Variants in TTLL5 observed in about 807,000 individuals in gnomAD.
The protein encoded by TTLL5 is tubulin tyrosine ligase like 5, also known as tubulin polyglutamylase TTLL5.
A neutral mutation model predicts 168.4 loss-of-function variants in TTLL5; 132 were observed. The ratio of observed to expected loss-of-function variants is 0.78; its 90% CI spans 0.68 to 0.91. The LOEUF (loss-of-function observed/expected upper bound fraction) is 0.91, where lower values mean the gene tolerates loss of function less well. Ranked by LOEUF, TTLL5 falls within the 40% of genes least tolerant of loss-of-function variation. TTLL5 has a pLI of 0.00. For missense variants in TTLL5, 1,545 were observed against 1,581.5 expected, an observed-to-expected ratio of 0.98 and a Z score of 0.39; for synonymous variants, 546 against 558.6, an observed-to-expected ratio of 0.98 and a Z score of 0.32.
chr14:75,739,831 A>C (rs1340452072), intron 15 of TTLL5, among the ~76,000 whole-genome samples: 1 of 152,220 alleles, frequency 6.6e-6, no homozygotes, highest in African/African-American at 2.4e-5. Flanking sequence ...GTTTACACTA[A>C]GAAGATTTAC....
intron 30 of TTLL5, chr14:75,886,921 T>C (rs900308594): frequency 4.7e-5 from 68 of 1,436,402 alleles, no homozygotes; most frequent in Non-Finnish European, 4.9e-5. Context: ...ACTGAATGAA[T>C]TTGAAAGGGT....
intron 9 of TTLL5, among the ~76,000 whole-genome samples, chr14:75,715,385 G>A (rs1356009560): frequency 6.7e-6 from 1 of 149,358 alleles, no homozygotes; most frequent in Non-Finnish European, 1.5e-5. Flanking sequence ...AAGTTTAAAA[G>A]AAAAAACAAA....
At chr14:75,705,282 TGA>T (rs1194975535) in intron 7 of TTLL5, among the ~76,000 whole-genome samples, 11 of 152,236 alleles carry the variant, frequency 7.2e-5, no homozygotes, top group African/African-American at 1.2e-4. Flanking sequence ...CAGTGGGAAC[TGA>T]GAGAGGACTC....
chr14:75,903,626 A>T (rs2033018614), intron 31 of TTLL5, among the ~76,000 whole-genome samples: 1 of 152,102 alleles, frequency 6.6e-6, no homozygotes, highest in Non-Finnish European at 1.5e-5. Context: ...AGCTCAGGCC[A>T]GGTACAGTGG....
intron 15 of TTLL5, chr14:75,744,460 C>A (rs559744304): frequency 6.6e-6 from 1 of 152,324 alleles, no homozygotes; most frequent in East Asian, 1.9e-4. Context: ...CATTTGGCTG[C>A]CTTCTTGGAG....
At position 75,688,260 on chromosome 14, in the gene TTLL5, G is replaced by A. The variant is rs565258926; in HGVS notation, c.372-1932G>A. On this transcript the variant is annotated intron_variant, in intron 5 of 31. Transcript: ENST00000298832. ...GGAAGAGGGGCTGAAAGTTAAATTA[G>A]TCACCAGTGTCCAATCAATTATGCC... 2.1e-4 allele frequency among the ~76,000 whole-genome samples: 32 copies of A among 152,222 alleles called. No individual in the cohort carries two copies. The South Asian group carries it at 5.4e-3, about 26-fold the overall frequency.
intron 9 of TTLL5, chr14:75,711,528 T>C (rs964050370): frequency 3.4e-4 from 52 of 152,006 alleles, no homozygotes; most frequent in African/African-American, 1.3e-3. Context: ...TTCAAAAAAA[T>C]TAAAACAAAA....
chr14:75,666,578 G>A (rs962681421), intron 2 of TTLL5, among the ~76,000 whole-genome samples: 6 of 152,226 alleles, frequency 3.9e-5, no homozygotes, highest in African/African-American at 1.4e-4. Flanking sequence ...TGCTATAGGA[G>A]TTCAGAGAAG....
intron 26 of TTLL5, 55 bp from the exon 27 acceptor site, chr14:75,792,860 AT>A: frequency 4.1e-6 from 6 of 1,469,806 alleles, no homozygotes; most frequent in South Asian, 1.5e-5. Flanking sequence ...CATTATCCTA[AT>A]TTTTTTCAGG....
chr14:75,718,038 T>C (rs1366600767), intron 10 of TTLL5, 76 bp downstream of exon 10: 1 of 1,320,748 alleles, frequency 7.6e-7, no homozygotes, highest in Non-Finnish European at 1.1e-6. Context: ...AAAGGTAACA[T>C]GTGGCACTGG....
intron 28 of TTLL5, among the ~76,000 whole-genome samples, chr14:75,861,232 T>C (rs1303836671): frequency 6.6e-6 from 1 of 152,090 alleles, no homozygotes; most frequent in Admixed American, 6.6e-5. Flanking sequence ...ATGTGACATA[T>C]CAGAGGTGAG....
At chr14:75,794,922 A>C (rs1892919174) in intron 27 of TTLL5, among the ~76,000 whole-genome samples, 1 of 152,108 alleles carries the variant, frequency 6.6e-6, no homozygotes, top group East Asian at 1.9e-4. Context: ...CTGATTAGCT[A>C]TGTGATCTTG....
intron 18 of TTLL5, among the ~76,000 whole-genome samples, chr14:75,755,275 TAATA>T (rs1181766264): frequency 2.7e-4 from 3 of 11,308 alleles, no homozygotes. Context: ...CCAAAAATAA[TAATA>T]ATAATAATAA....
At chr14:75,891,678 C>T (rs1476001926) in intron 30 of TTLL5, among the ~76,000 whole-genome samples, 4 of 152,144 alleles carry the variant, frequency 2.6e-5, no homozygotes, top group Admixed American at 1.3e-4. Flanking sequence ...TATTCTGTGT[C>T]AAGTCATATG....
Position 75,804,211 on chromosome 14 carries a change from T to C in TTLL5, c.3171+11111T>C, listed in dbSNP as rs149190894. Among the ~76,000 whole-genome samples the C allele has an allele frequency of 7.2e-4, 110 of 152,356 alleles. 1 individual carries two copies. The highest frequency in any genetic ancestry group is 2.5e-3 in the African/African-American group (106 of 41,580). ...AAAAAAATCCATTCTATTTCTTTCA[T>C]TTTTCTTGCTCCTTACCCTGAGACT... On this transcript the variant is annotated intron_variant, in intron 27 of 31. Transcript: ENST00000298832.
At chr14:75,821,429 T>G (rs1460803088) in intron 28 of TTLL5, among the ~76,000 whole-genome samples, 3 of 152,236 alleles carry the variant, frequency 2.0e-5, no homozygotes. Flanking sequence ...TAAAAAAATT[T>G]CCAGATATTC....
In TTLL5 at chr14:75,882,853, C is replaced by T. The variant is rs11844617; in HGVS notation, c.3691C>T (p.Pro1231Ser). ...CGCCTCCCTGGTTCCCAAACCCCCA[C>T]CCAACCACGAACAAGTGCTCAGAAG... The part of the protein sequence containing the change: ...SCASLVPKPP[P>S]NHEQVLRRAT... Residue 1231 changes from proline to serine, a missense_variant, in exon 30 of 32, where the codon CCC (proline) becomes TCC (serine). Transcript: ENST00000298832. 1.3e-4 allele frequency: 208 copies of T among 1,614,052 alleles called. No homozygotes were observed. The highest frequency in any genetic ancestry group is 1.7e-4 in the Non-Finnish European group (198 of 1,180,042).
chr14:75,944,029 G>T (rs140012735), intron 31 of TTLL5, among the ~76,000 whole-genome samples: 6 of 152,284 alleles, frequency 3.9e-5, no homozygotes, highest in African/African-American at 1.4e-4. Context: ...CGCCTGCTTA[G>T]CCCTCTTCTA....
Position 75,661,377 on chromosome 14 carries a change from A to C in TTLL5, c.-106A>C, listed in dbSNP as rs1890706287. 6.6e-6 allele frequency: 1 copy of C among 152,270 alleles called. No individual in the cohort carries two copies. The highest frequency in any genetic ancestry group is 1.9e-4 in the East Asian group (1 of 5,156). 9.4% of individuals were successfully genotyped at this position (152,270 alleles called of 1,614,324 possible). A position where few individuals can be genotyped will look rare whatever the true frequency, so the allele number is the denominator to read the frequency against. ...CGCCTGCTCGCCCCGAACCATGGGA[A>C]GATGAGACAGGTAAACGCCTGCGCC... On this transcript the variant is annotated 5_prime_UTR_variant, in exon 1 of 32. Coordinates refer to ENST00000298832, the MANE Select transcript of TTLL5 (RefSeq NM_015072.5).
Sources: gnomAD v4.1 joint callset for allele counts (sites outside exome capture counted in the v4.1 genomes callset) on GRCh38, gnomAD v4.1.1 for gene constraint, MANE v1.5 for transcripts, NCBI Gene and HGNC (gene_info 2026-07-23, HGNC 2026-07-21) for gene names.